Variants in KIAA1217 observed in about 807,000 individuals in gnomAD.
The protein encoded by KIAA1217 is sickle tail protein homolog.
In KIAA1217, 88 loss-of-function variants were observed where a neutral mutation model predicts 163.9. That is an observed-to-expected ratio of 0.54 (90% CI 0.45 to 0.64). The LOEUF is 0.64. Ranked by LOEUF, KIAA1217 falls within the 30% of genes least tolerant of loss-of-function variation. The pLI is 0.00. For missense variants in KIAA1217, 2,372 were observed against 2,475.0 expected, an observed-to-expected ratio of 0.96 and a Z score of 0.88; for synonymous variants, 903 against 923.1, an observed-to-expected ratio of 0.98 and a Z score of 0.39.
chr10:23,916,667 T>A (rs1025686695), intron 1 of KIAA1217, among the ~76,000 whole-genome samples: 16 of 152,176 alleles, frequency 1.1e-4, no homozygotes, highest in African/African-American at 3.4e-4. Flanking sequence ...AGCACCCAGA[T>A]ACATTTTATT....
chr10:24,283,218 A>G (rs894335208), intron 2 of KIAA1217, among the ~76,000 whole-genome samples: 26 of 152,170 alleles, frequency 1.7e-4, no homozygotes, highest in Non-Finnish European at 3.2e-4. Context: ...ACACATATCT[A>G]TATTTCCTTC....
At chr10:24,408,513 T>C (rs967493677) in intron 3 of KIAA1217, among the ~76,000 whole-genome samples, 1 of 152,202 alleles carries the variant, frequency 6.6e-6, no homozygotes, top group Non-Finnish European at 1.5e-5. Flanking sequence ...TTCAATATAC[T>C]GCGTGGCCCA....
intron 2 of KIAA1217, among the ~76,000 whole-genome samples, chr10:24,043,603 G>C (rs991809364): frequency 6.6e-6 from 1 of 152,208 alleles, no homozygotes; most frequent in Middle Eastern, 3.4e-3. Flanking sequence ...GAAGACCTTA[G>C]AAGTATTGAC....
At chr10:23,813,062 T>C (rs1837148296) in intron 1 of KIAA1217, among the ~76,000 whole-genome samples, 1 of 152,160 alleles carries the variant, frequency 6.6e-6, no homozygotes, top group Admixed American at 6.5e-5. Context: ...ACCAGCAGCA[T>C]AGAAGGTTTC....
chr10:24,347,890 A>T (rs888751988), intron 2 of KIAA1217, among the ~76,000 whole-genome samples: 1 of 152,242 alleles, frequency 6.6e-6, no homozygotes, highest in Non-Finnish European at 1.5e-5. Flanking sequence ...AAATTCATGA[A>T]TATATCCATC....
At chr10:23,925,444 T>G (rs1360414264) in intron 1 of KIAA1217, among the ~76,000 whole-genome samples, 1 of 152,246 alleles carries the variant, frequency 6.6e-6, no homozygotes, top group African/African-American at 2.4e-5. Context: ...AGTCCTGCCT[T>G]CTGCCCTCAA....
chr10:23,928,558 G>A (rs1843125494), intron 1 of KIAA1217, among the ~76,000 whole-genome samples: 1 of 152,130 alleles, frequency 6.6e-6, no homozygotes, highest in South Asian at 2.1e-4. Flanking sequence ...TGGGGATGGA[G>A]TACTGAACAG....
At chr10:23,818,343 T>A (rs1329150477) in intron 1 of KIAA1217, among the ~76,000 whole-genome samples, 1 of 107,774 alleles carries the variant, frequency 9.3e-6, no homozygotes, top group African/African-American at 4.3e-5. Flanking sequence ...TATATATATA[T>A]ATAAAAAAAT....
At chr10:23,917,839 C>A (rs375207298) in intron 1 of KIAA1217, among the ~76,000 whole-genome samples, 3 of 152,224 alleles carry the variant, frequency 2.0e-5, no homozygotes, top group African/African-American at 4.8e-5. Flanking sequence ...GGCCTATGAC[C>A]CTTTGTCTTC....
chr10:23,766,286 A>G (rs1054962418), intron 1 of KIAA1217, among the ~76,000 whole-genome samples: 3 of 152,212 alleles, frequency 2.0e-5, no homozygotes, highest in Non-Finnish European at 2.9e-5. Context: ...TTTTTGTAAT[A>G]TTTAAAGAAT....
chr10:24,231,869 GCT>G (rs1043824261), intron 2 of KIAA1217, among the ~76,000 whole-genome samples: 1 of 151,752 alleles, frequency 6.6e-6, no homozygotes, highest in Non-Finnish European at 1.5e-5. Flanking sequence ...CATGATCTCG[GCT>G]CACTGCAACC....
intron 1 of KIAA1217, among the ~76,000 whole-genome samples, chr10:23,860,841 C>CT (rs1218694976): frequency 6.6e-6 from 1 of 151,640 alleles, no homozygotes; most frequent in Admixed American, 6.6e-5. Flanking sequence ...CTTTATTTTT[C>CT]TTTTTTTCTA....
At chr10:23,848,073 C>A (rs555138820) in intron 1 of KIAA1217, among the ~76,000 whole-genome samples, 1 of 152,114 alleles carries the variant, frequency 6.6e-6, no homozygotes, top group African/African-American at 2.4e-5. Flanking sequence ...TGCACTTGAT[C>A]TGAGAGACTG....
intron 3 of KIAA1217, among the ~76,000 whole-genome samples, chr10:24,418,735 T>A (rs1441800824): frequency 6.6e-6 from 1 of 152,090 alleles, no homozygotes; most frequent in African/African-American, 2.4e-5. Flanking sequence ...GCAGTGTTTG[T>A]AACCCTTTTT....
At chr10:24,345,298 A>G (rs2047591554) in intron 2 of KIAA1217, among the ~76,000 whole-genome samples, 1 of 152,214 alleles carries the variant, frequency 6.6e-6, no homozygotes, top group Admixed American at 6.5e-5. Flanking sequence ...CTCCGCATGG[A>G]GCACAGAGCT....
At chr10:24,405,318 A>G (rs931955314) in intron 3 of KIAA1217, among the ~76,000 whole-genome samples, 1 of 152,200 alleles carries the variant, frequency 6.6e-6, no homozygotes, top group Non-Finnish European at 1.5e-5. Flanking sequence ...ATAAAAATAC[A>G]TATACTTCTC....
chr10:23,723,136 T>C (rs993860022), intron 1 of KIAA1217, among the ~76,000 whole-genome samples: 12 of 152,182 alleles, frequency 7.9e-5, no homozygotes, highest in African/African-American at 2.9e-4. Context: ...CACATGGATA[T>C]TGAGAAGCTC....
At chr10:24,216,756 G>T in intron 1 of KIAA1217, among the ~76,000 whole-genome samples, 1 of 150,328 alleles carries the variant, frequency 6.7e-6, no homozygotes, top group East Asian at 2.0e-4. Context: ...GAACTCGGGA[G>T]GTAGAGGTTG....
At chr10:24,078,382 G>A (rs1275020496) in intron 2 of KIAA1217, among the ~76,000 whole-genome samples, 1 of 152,158 alleles carries the variant, frequency 6.6e-6, no homozygotes, top group Non-Finnish European at 1.5e-5. Flanking sequence ...GCTGAGAGGG[G>A]AGGACATGTT....
Sources: allele counts gnomAD v4.1 joint callset (sites outside exome capture counted in the v4.1 genomes callset), GRCh38; gene constraint gnomAD v4.1.1; transcripts MANE v1.5; gene names NCBI Gene and HGNC (gene_info 2026-07-23, HGNC 2026-07-21).